Variants in SENP7 observed in about 807,000 individuals in gnomAD.
The protein encoded by SENP7 is SUMO specific peptidase 7, also known as sentrin-specific protease 7.
SENP7 carries 64 observed loss-of-function variants against 141.2 expected under a neutral mutation model. The observed-to-expected ratio is 0.45, with a 90% CI of 0.37 to 0.56. SENP7 has a LOEUF of 0.56. Ranked by LOEUF, SENP7 falls within the 20% of genes least tolerant of loss-of-function variation. SENP7 has a pLI of 0.00. For missense variants in SENP7, 1,025 were observed against 1,212.2 expected, an observed-to-expected ratio of 0.85 and a Z score of 2.29; for synonymous variants, 382 against 426.4, an observed-to-expected ratio of 0.90 and a Z score of 1.28.
At chr3:101,368,978 A>G (rs1241253002) in intron 7 of SENP7, among the ~76,000 whole-genome samples, 1 of 152,168 alleles carries the variant, frequency 6.6e-6, no homozygotes, top group Non-Finnish European at 1.5e-5. Context: ...TTTACTTGCC[A>G]GTTTATTTCT....
chr3:101,440,731 T>C (rs954260630), intron 4 of SENP7, among the ~76,000 whole-genome samples: 12 of 151,846 alleles, frequency 7.9e-5, no homozygotes, highest in African/African-American at 2.7e-4. Flanking sequence ...AAAAACCATA[T>C]ATGAATCTCC....
intron 2 of SENP7, among the ~76,000 whole-genome samples, chr3:101,498,691 G>A (rs532628628): frequency 2.9e-4 from 44 of 152,318 alleles, no homozygotes; most frequent in Non-Finnish European, 4.9e-4. Flanking sequence ...GATGTCTATA[G>A]TTTAAAGCAG....
chr3:101,513,014 C>G lies in SENP7; in HGVS notation c.40+77G>C, dbSNP rs542856821. On this transcript the variant is annotated intron_variant, in intron 1 of 23. Transcript: ENST00000394095. ...TCGCCCCCGCGGCTTCGGGCCGCAA[C>G]CCCAGCTGCCGCCTGCGCCTCCCGT... is the stretch of plus-strand genomic sequence containing the variant. The G allele has an allele frequency of 1.5e-4, 231 of 1,537,044 alleles. 1 individual carries two copies. In the East Asian group the frequency reaches 5.0e-3, roughly 33 times the overall value.
intron 4 of SENP7, among the ~76,000 whole-genome samples, chr3:101,444,748 G>C (rs186110709): frequency 7.9e-6 from 1 of 127,026 alleles, no homozygotes; most frequent in Non-Finnish European, 1.6e-5. Context: ...GTTGTGGGGT[G>C]GGGGGAGGGG....
At chr3:101,465,582 C>T (rs1331881674) in intron 3 of SENP7, among the ~76,000 whole-genome samples, 1 of 152,198 alleles carries the variant, frequency 6.6e-6, no homozygotes, top group Non-Finnish European at 1.5e-5. Flanking sequence ...GATTACATGA[C>T]TGTGTCTATG....
intron 6 of SENP7, among the ~76,000 whole-genome samples, chr3:101,383,928 A>G (rs554547547): frequency 7.2e-4 from 109 of 152,326 alleles, no homozygotes; most frequent in African/African-American, 2.3e-3. Context: ...TCCGTGGACC[A>G]GAGTGACAAC....
chr3:101,505,085 A>G (rs1246201109), intron 1 of SENP7, among the ~76,000 whole-genome samples: 1 of 152,192 alleles, frequency 6.6e-6, no homozygotes, highest in Non-Finnish European at 1.5e-5. Context: ...AAAAAAGAAA[A>G]AAAAAGAACT....
chr3:101,433,751 G>A (rs2062274429), intron 4 of SENP7, among the ~76,000 whole-genome samples: 1 of 152,014 alleles, frequency 6.6e-6, no homozygotes, highest in Admixed American at 6.5e-5. Context: ...CCCAACCCTG[G>A]AGCACCCAGA....
chr3:101,403,730 T>TA (rs1364067781), intron 5 of SENP7, among the ~76,000 whole-genome samples: 6 of 151,894 alleles, frequency 4.0e-5, no homozygotes, highest in African/African-American at 7.3e-5. Flanking sequence ...GGTTTCAGGA[T>TA]AAAAAAAATC....
In SENP7 at chr3:101,398,991, G is replaced by C; in HGVS notation, c.547C>G (p.Pro183Ala). The C allele has an allele frequency of 6.2e-7, 1 of 1,613,382 alleles. No homozygotes were observed. Residue 183 changes from proline (P) to alanine (A), a missense_variant, in exon 6 of 24, where the codon CCA (proline) becomes GCA (alanine). Pro to Ala is a conservative substitution (Grantham distance 27, BLOSUM62 -1). Transcript: ENST00000394095. ...TELGRKYIRTPPVTEGSLSDT... is the reference protein window; with the variant it reads ...TELGRKYIRTAPVTEGSLSDT... Reference sequence around the variant, plus strand: ...CTCAAACTTCCCTCAGTTACAGGTGGGGTCCTTATGTATTTTCTTCCTAAC... The same window carrying C: ...CTCAAACTTCCCTCAGTTACAGGTGCGGTCCTTATGTATTTTCTTCCTAAC...
At chr3:101,470,517 A>G (rs1319095049) in intron 3 of SENP7, among the ~76,000 whole-genome samples, 1 of 152,202 alleles carries the variant, frequency 6.6e-6, no homozygotes, top group Non-Finnish European at 1.5e-5. Context: ...AATAAGAGCT[A>G]TCTATGACAG....
intron 4 of SENP7, among the ~76,000 whole-genome samples, chr3:101,437,014 T>A (rs2062416264): frequency 6.6e-6 from 1 of 152,250 alleles, no homozygotes; most frequent in African/African-American, 2.4e-5. Context: ...GTAGTACATA[T>A]ATACAATGGA....
intron 3 of SENP7, among the ~76,000 whole-genome samples, chr3:101,466,205 A>T (rs1170162537): frequency 6.6e-6 from 1 of 152,196 alleles, no homozygotes; most frequent in Non-Finnish European, 1.5e-5. Context: ...AAACATTTGA[A>T]AAAAATAATA....
chr3:101,509,477 A>G (rs2065762535), intron 1 of SENP7, among the ~76,000 whole-genome samples: 2 of 152,082 alleles, frequency 1.3e-5, no homozygotes, highest in South Asian at 4.1e-4. Flanking sequence ...ACCTGTCACA[A>G]TCCTAATCAG....
At chr3:101,474,817 G>C (rs1373415403) in intron 3 of SENP7, among the ~76,000 whole-genome samples, 1 of 152,100 alleles carries the variant, frequency 6.6e-6, no homozygotes, top group Non-Finnish European at 1.5e-5. Context: ...CTGTGGGCTT[G>C]TCATACATGG....
intron 3 of SENP7, among the ~76,000 whole-genome samples, chr3:101,476,851 G>A (rs1293014769): frequency 1.3e-5 from 2 of 152,214 alleles, no homozygotes; most frequent in African/African-American, 4.8e-5. Context: ...CTAATGACCA[G>A]TGATGATGAG....
chr3:101,350,749 A>C (rs745325068), intron 12 of SENP7, among the ~76,000 whole-genome samples: 3 of 151,976 alleles, frequency 2.0e-5, no homozygotes, highest in Non-Finnish European at 4.4e-5. Context: ...TCCCCTTTTA[A>C]AATCACATGA....
At chr3:101,385,033 T>C (rs2060613151) in intron 6 of SENP7, among the ~76,000 whole-genome samples, 1 of 152,230 alleles carries the variant, frequency 6.6e-6, no homozygotes, top group African/African-American at 2.4e-5. Context: ...AACAATTATA[T>C]ATTTTTGCCT....
At chr3:101,444,381 C>T (rs1390487104) in intron 4 of SENP7, among the ~76,000 whole-genome samples, 2 of 151,882 alleles carry the variant, frequency 1.3e-5, no homozygotes, top group Non-Finnish European at 2.9e-5. Flanking sequence ...ACCCAGCCAT[C>T]CCATTACTGG....
Sources: gnomAD v4.1 joint callset for allele counts (sites outside exome capture counted in the v4.1 genomes callset) on GRCh38, gnomAD v4.1.1 for gene constraint, MANE v1.5 for transcripts, NCBI Gene and HGNC (gene_info 2026-07-23, HGNC 2026-07-21) for gene names.